The following L3HYPDH variants were observed in gnomAD, a reference collection of about 807,000 sequenced individuals.
L3HYPDH encodes the protein trans-L-3-hydroxyproline dehydratase, also known as trans-3-hydroxy-L-proline dehydratase.
L3HYPDH carries 32 observed loss-of-function variants against 26.5 expected under a neutral mutation model. That is an observed-to-expected ratio of 1.21 (90% CI 0.91 to 1.62). The LOEUF is 1.62. Ranked by LOEUF, L3HYPDH falls within the 40% of genes most tolerant of loss-of-function variation. L3HYPDH has a pLI of 0.00. For missense variants in L3HYPDH, 554 were observed against 476.4 expected, an observed-to-expected ratio of 1.16 and a Z score of -1.52; for synonymous variants, 215 against 196.6, an observed-to-expected ratio of 1.09 and a Z score of -0.78.
At chr14:59,491,508 T>C in the L3HYPDH span, among the ~76,000 whole-genome samples, 1 of 152,192 alleles carries the variant, frequency 6.6e-6, no homozygotes. Flanking sequence ...ATTAATTCTA[T>C]AAGGAAGCAA....
downstream of L3HYPDH, among the ~76,000 whole-genome samples, chr14:59,468,058 T>C (rs1215272275): frequency 1.6e-5 from 2 of 124,634 alleles, no homozygotes; most frequent in Non-Finnish European, 3.4e-5. Context: ...GGCATAATGC[T>C]CTTAAAAAAA....
At chr14:59,467,167 G>GGAGGTGATTAAC (rs11274008) in intron 1 of L3HYPDH, among the ~76,000 whole-genome samples, 2 of 151,546 alleles carry the variant, frequency 1.3e-5, no homozygotes, top group Non-Finnish European at 1.5e-5. Context: ...GAAATTATTT[G>GGAGGTGATTAAC]TCTTCCTGAC....
upstream of L3HYPDH, chr14:59,487,662 TA>T: frequency 6.2e-7 from 1 of 1,603,102 alleles, no homozygotes; most frequent in South Asian, 1.1e-5. Flanking sequence ...ATATTGGTTT[TA>T]TATATTATAG....
chr14:59,494,574 A>G, the L3HYPDH span, among the ~76,000 whole-genome samples: 10 of 152,212 alleles, frequency 6.6e-5, no homozygotes, highest in South Asian at 1.2e-3. Context: ...AGTTTGGTAC[A>G]TGGTTGCCTC....
chr14:59,473,276 G>A (rs1262843330), intron 4 of L3HYPDH, among the ~76,000 whole-genome samples, 186 bp from the exon 5 acceptor site: 2 of 152,128 alleles, frequency 1.3e-5, no homozygotes, highest in African/African-American at 4.8e-5. Flanking sequence ...GCTGTAAAGT[G>A]GGGATCAAAC....
At chr14:59,496,127 A>T in the L3HYPDH span, among the ~76,000 whole-genome samples, 1 of 152,202 alleles carries the variant, frequency 6.6e-6, no homozygotes, top group African/African-American at 2.4e-5. Flanking sequence ...GCTGGTCTTG[A>T]ACTCCTGGCC....
chr14:59,493,282 A>G, the L3HYPDH span, among the ~76,000 whole-genome samples: 1 of 152,216 alleles, frequency 6.6e-6, no homozygotes, highest in Non-Finnish European at 1.5e-5. Flanking sequence ...AAGAGAACCA[A>G]GGCACACCTG....
At chr14:59,483,663 C>T in intron 1 of L3HYPDH, 146 bp downstream of exon 1, 1 of 1,450,712 alleles carries the variant, frequency 6.9e-7, no homozygotes, top group South Asian at 1.4e-5. Flanking sequence ...TGCTGACACA[C>T]GTTGGCAGTG....
chr14:59,465,758 A>G (rs560057914), intron 1 of L3HYPDH, among the ~76,000 whole-genome samples: 38 of 152,336 alleles, frequency 2.5e-4, no homozygotes, highest in African/African-American at 9.1e-4. Context: ...AAAATCCAGA[A>G]GTCTACATCC....
At position 59,483,988 on chromosome 14, in the gene L3HYPDH, G is replaced by A. The variant is rs1890275268; in HGVS notation, c.329C>T (p.Ala110Val). The change falls in exon 1 of 5, where the codon GCG becomes GTG. Residue 110 changes from alanine (A) to valine (V), a missense_variant. Ala to Val is a moderately conservative substitution (Grantham distance 64). Coordinates refer to ENST00000247194, the MANE Select transcript of L3HYPDH (RefSeq NM_144581.2). ...GAAGTCCAAAGCGAAGCGGCCCAGC[G>A]CCAGCACTGCGTGGCCGCACATGGA... Reference protein sequence around the residue: ...YSSMCGHAVLALGRFALDFGL... With the variant: ...YSSMCGHAVLVLGRFALDFGL... 7 of 1,588,100 alleles carry A rather than the reference G, an allele frequency of 4.4e-6. No individual in the cohort carries two copies. The highest frequency in any genetic ancestry group is 6.0e-6 in the Non-Finnish European group (7 of 1,172,468).
chr14:59,480,376 C>A (rs190971897), intron 1 of L3HYPDH, among the ~76,000 whole-genome samples: 42 of 152,220 alleles, frequency 2.8e-4, no homozygotes, highest in African/African-American at 1.0e-3. Flanking sequence ...AGGGCAAGGA[C>A]CAGGTAGGGT....
intron 1 of L3HYPDH, 110 bp downstream of exon 1, chr14:59,483,699 T>G (rs1268584): frequency 0.42 from 623,413 of 1,489,372 alleles, 136,265 homozygotes; most frequent in African/African-American, 0.73. Flanking sequence ...AATTGCAAGG[T>G]TTCGCGGAGT....
At chr14:59,498,709 CTT>C in the L3HYPDH span, 3 of 1,287,902 alleles carry the variant, frequency 2.3e-6, no homozygotes, top group Non-Finnish European at 3.2e-6. Flanking sequence ...GTTACAAATT[CTT>C]TATTTTATTT....
At chr14:59,494,304 C>T in the L3HYPDH span, among the ~76,000 whole-genome samples, 1 of 152,164 alleles carries the variant, frequency 6.6e-6, no homozygotes, top group African/African-American at 2.4e-5. Context: ...ATTTGCAACA[C>T]ATTTAACTAA....
chr14:59,481,074 C>A (rs1299300615), intron 1 of L3HYPDH, among the ~76,000 whole-genome samples: 2 of 152,158 alleles, frequency 1.3e-5, no homozygotes, highest in African/African-American at 2.4e-5. Context: ...ACAATCATTT[C>A]CCTGGCCCAA....
the L3HYPDH span, among the ~76,000 whole-genome samples, chr14:59,497,817 A>T: frequency 6.6e-6 from 1 of 152,212 alleles, no homozygotes; most frequent in African/African-American, 2.4e-5. Context: ...GGATTATGGT[A>T]TCATGATGCT....
chr14:59,476,127 G>T lies in L3HYPDH; in HGVS notation c.766C>A (p.Pro256Thr), dbSNP rs1319294405. ...TDGKDAYTKEPTTNICVFADE... is the reference protein window; with the variant it reads ...TDGKDAYTKETTTNICVFADE... The stretch of plus-strand genomic sequence containing the variant: ...GCAAAAACACAAATGTTGGTGGTTG[G>T]TTCCTTGGTATAAGCATCTTTTCCA... The change falls in exon 3 of 5, where the codon CCA becomes ACA. Residue 256 changes from proline to threonine, a missense_variant. Coordinates refer to ENST00000247194, the MANE Select transcript of L3HYPDH (RefSeq NM_144581.2). 7 of 1,613,890 alleles carry T rather than the reference G, an allele frequency of 4.3e-6. No homozygotes were observed. Among genetic ancestry groups the T allele is most frequent in the South Asian group, 3.3e-5 (3 of 91,054 alleles).
chr14:59,466,611 C>T (rs774901016), intron 1 of L3HYPDH, among the ~76,000 whole-genome samples: 2 of 152,226 alleles, frequency 1.3e-5, no homozygotes, highest in Non-Finnish European at 2.9e-5. Flanking sequence ...AGAAACACTG[C>T]TCTAAAGAAT....
intron 1 of L3HYPDH, among the ~76,000 whole-genome samples, chr14:59,465,760 T>C (rs1889150919): frequency 1.3e-5 from 2 of 152,036 alleles, no homozygotes; most frequent in Admixed American, 1.3e-4. Flanking sequence ...AATCCAGAAG[T>C]CTACATCCAG....
Sources: allele counts gnomAD v4.1 joint callset (sites outside exome capture counted in the v4.1 genomes callset), GRCh38; gene constraint gnomAD v4.1.1; transcripts MANE v1.5; gene names NCBI Gene and HGNC (gene_info 2026-07-23, HGNC 2026-07-21).